RIT2: variants seen among roughly 807,000 people sequenced by gnomAD.
RIT2 encodes the protein GTP-binding protein Rit2.
In RIT2, 24 loss-of-function variants were observed where a neutral mutation model predicts 23.7. The ratio of observed to expected loss-of-function variants is 1.01; its 90% CI spans 0.73 to 1.43. The LOEUF (loss-of-function observed/expected upper bound fraction) is 1.43. RIT2 is among the 40% of genes most tolerant of loss of function. RIT2 has a pLI of 0.00. For synonymous variants in RIT2, 107 were observed against 91.1 expected (o/e 1.17, Z -0.99); for missense variants, 236 against 266.9 (o/e 0.88, Z 0.81).
chr18:43,064,980 C>A (rs1357287864), intron 1 of RIT2, among the ~76,000 whole-genome samples: 1 of 151,788 alleles, frequency 6.6e-6, no homozygotes, highest in Admixed American at 6.6e-5. Context: ...CCATGCCCGG[C>A]TAATTTTTCT....
intron 1 of RIT2, among the ~76,000 whole-genome samples, chr18:43,050,513 T>C (rs934074208): frequency 6.6e-6 from 1 of 152,092 alleles, no homozygotes; most frequent in African/African-American, 2.4e-5. Context: ...TTGGTATATA[T>C]TGGTTTGCGT....
chr18:42,824,905 G>A (rs979448040), intron 4 of RIT2, among the ~76,000 whole-genome samples: 2 of 151,712 alleles, frequency 1.3e-5, no homozygotes, highest in Admixed American at 1.3e-4. Flanking sequence ...CCTGATAAAA[G>A]GTCATATTCA....
intron 4 of RIT2, among the ~76,000 whole-genome samples, chr18:42,875,749 T>C (rs1280170995): frequency 1.3e-5 from 2 of 152,058 alleles, no homozygotes; most frequent in Non-Finnish European, 2.9e-5. Flanking sequence ...TTTACCCATC[T>C]CCACCCAAAT....
At chr18:43,101,362 T>C (rs764743694) in intron 1 of RIT2, among the ~76,000 whole-genome samples, 1 of 152,178 alleles carries the variant, frequency 6.6e-6, no homozygotes, top group Non-Finnish European at 1.5e-5. Flanking sequence ...TTTAAATTTT[T>C]GTCATTTTAA....
At chr18:42,940,820 A>C in intron 3 of RIT2, among the ~76,000 whole-genome samples, 1 of 152,304 alleles carries the variant, frequency 6.6e-6, no homozygotes, top group East Asian at 1.9e-4. Flanking sequence ...AACTCCACTT[A>C]ACTCTTAATT....
chr18:43,023,416 T>C (rs139408943), intron 2 of RIT2, among the ~76,000 whole-genome samples: 2 of 152,210 alleles, frequency 1.3e-5, no homozygotes, highest in African/African-American at 4.8e-5. Context: ...TAGATGTCCT[T>C]ATCCTGACAG....
At chr18:42,933,729 C>T (rs1469820500) in intron 3 of RIT2, among the ~76,000 whole-genome samples, 1 of 152,032 alleles carries the variant, frequency 6.6e-6, no homozygotes, top group Non-Finnish European at 1.5e-5. Context: ...GTCAATTAAC[C>T]TCTTTCCTGG....
intron 2 of RIT2, among the ~76,000 whole-genome samples, chr18:43,011,315 A>G (rs992733879): frequency 2.0e-5 from 3 of 151,714 alleles, no homozygotes; most frequent in African/African-American, 7.3e-5. Flanking sequence ...GAGCTGCATC[A>G]TGCAACCAAA....
chr18:42,961,903 TAG>T (rs947892031), intron 3 of RIT2, among the ~76,000 whole-genome samples: 4 of 152,230 alleles, frequency 2.6e-5, no homozygotes, highest in Admixed American at 2.0e-4. Flanking sequence ...GCACACTCTG[TAG>T]AGTCTTTATA....
intron 4 of RIT2, among the ~76,000 whole-genome samples, chr18:42,769,790 C>G (rs1913505488): frequency 6.6e-6 from 1 of 150,446 alleles, no homozygotes; most frequent in Non-Finnish European, 1.5e-5. Context: ...GATATACCAC[C>G]ATACATATGT....
At chr18:42,867,726 C>T (rs796184588) in intron 4 of RIT2, among the ~76,000 whole-genome samples, 2 of 152,130 alleles carry the variant, frequency 1.3e-5, no homozygotes, top group African/African-American at 2.4e-5. Context: ...TCCAGGAGGT[C>T]GAGGCTTCAG....
At chr18:42,861,975 T>G (rs772854785) in intron 4 of RIT2, among the ~76,000 whole-genome samples, 1 of 152,204 alleles carries the variant, frequency 6.6e-6, no homozygotes, top group Non-Finnish European at 1.5e-5. Flanking sequence ...AATCCTACCT[T>G]CTATCCTGGA....
chr18:42,885,218 C>T (rs1033569048), intron 4 of RIT2, among the ~76,000 whole-genome samples: 1 of 152,184 alleles, frequency 6.6e-6, no homozygotes, highest in African/African-American at 2.4e-5. Context: ...ATTCATTTCA[C>T]AGATGGTAAA....
chr18:43,025,034 C>T (rs533646044), intron 2 of RIT2, among the ~76,000 whole-genome samples: 3 of 151,924 alleles, frequency 2.0e-5, no homozygotes, highest in Non-Finnish European at 4.4e-5. Context: ...ATGGCGAAAC[C>T]TCATCTCCAC....
At chr18:42,913,308 G>C (rs536994452) in intron 4 of RIT2, among the ~76,000 whole-genome samples, 1 of 151,752 alleles carries the variant, frequency 6.6e-6, no homozygotes, top group Non-Finnish European at 1.5e-5. Flanking sequence ...AAACTCATGG[G>C]TACCTACGAC....
At chr18:43,021,798 G>A (rs9951281) in intron 2 of RIT2, among the ~76,000 whole-genome samples, 14,305 of 152,130 alleles carry the variant, frequency 0.094, 771 homozygotes, top group Non-Finnish European at 0.11. Context: ...ATGTGAGCCA[G>A]TTAAACCTCT....
At chr18:42,903,634 C>A (rs1486097625) in intron 4 of RIT2, among the ~76,000 whole-genome samples, 1 of 152,010 alleles carries the variant, frequency 6.6e-6, no homozygotes, top group African/African-American at 2.4e-5. Context: ...ATGACTGCTA[C>A]CACTACCCAA....
chr18:43,115,358 T>C, intron 1 of RIT2, 59 bp downstream of exon 1: 2 of 1,593,168 alleles, frequency 1.3e-6, no homozygotes, highest in Non-Finnish European at 1.7e-6. Flanking sequence ...TTTCTTTCAC[T>C]CTATAGAGTT....
At chr18:42,944,266 G>A (rs1183242618) in intron 3 of RIT2, among the ~76,000 whole-genome samples, 5 of 152,018 alleles carry the variant, frequency 3.3e-5, no homozygotes, top group African/African-American at 1.2e-4. Context: ...TTTCCTAAAT[G>A]TGCCAGGCAA....
Sources: gnomAD v4.1 joint callset for allele counts (sites outside exome capture counted in the v4.1 genomes callset) on GRCh38, gnomAD v4.1.1 for gene constraint, MANE v1.5 for transcripts, NCBI Gene and HGNC (gene_info 2026-07-23, HGNC 2026-07-21) for gene names.